Variants in ADAMTS3 observed in about 807,000 individuals in gnomAD.
ADAMTS3 encodes ADAM metallopeptidase with thrombospondin type 1 motif 3.
Under a neutral mutation model 129.0 loss-of-function variants are expected in ADAMTS3, and 73 were observed. The observed-to-expected ratio is 0.57, with a 90% CI of 0.47 to 0.69. ADAMTS3 has a LOEUF of 0.69. Ranked by LOEUF, ADAMTS3 falls within the 30% of genes least tolerant of loss-of-function variation. ADAMTS3 has a pLI of 0.00. For synonymous variants in ADAMTS3, 477 were observed against 510.8 expected (o/e 0.93, Z 0.89); for missense variants, 1,457 against 1,514.5 (o/e 0.96, Z 0.63).
At chr4:72,453,694 C>T (rs1425116933) in intron 3 of ADAMTS3, among the ~76,000 whole-genome samples, 3 of 151,456 alleles carry the variant, frequency 2.0e-5, no homozygotes, top group Non-Finnish European at 3.0e-5. Context: ...AGAGGCCATC[C>T]TCAGGATGGG....
chr4:72,549,742 C>T (rs1192143339), intron 2 of ADAMTS3, among the ~76,000 whole-genome samples: 2 of 151,552 alleles, frequency 1.3e-5, no homozygotes, highest in Non-Finnish European at 2.9e-5. Flanking sequence ...TGGGACCCAC[C>T]TTACAATATG....
chr4:72,529,866 A>T (rs1412495891), intron 3 of ADAMTS3, among the ~76,000 whole-genome samples: 1 of 78,510 alleles, frequency 1.3e-5, no homozygotes, highest in African/African-American at 5.2e-5. Context: ...TATAATATAT[A>T]ATATAAATTA....
At chr4:72,474,711 A>C (rs1003265156) in intron 3 of ADAMTS3, among the ~76,000 whole-genome samples, 2 of 152,206 alleles carry the variant, frequency 1.3e-5, no homozygotes, top group Non-Finnish European at 2.9e-5. Flanking sequence ...GATATACCTC[A>C]CAAACGCTAT....
At chr4:72,475,299 A>G (rs1719199572) in intron 3 of ADAMTS3, among the ~76,000 whole-genome samples, 1 of 152,054 alleles carries the variant, frequency 6.6e-6, no homozygotes, top group African/African-American at 2.4e-5. Context: ...GGAAGTTGAA[A>G]GTAAAAGAAT....
intron 3 of ADAMTS3, among the ~76,000 whole-genome samples, chr4:72,454,943 A>G (rs1464897791): frequency 6.6e-6 from 1 of 151,768 alleles, no homozygotes; most frequent in Non-Finnish European, 1.5e-5. Flanking sequence ...TAATGAACAA[A>G]TAACAAAATT....
At chr4:72,566,337 T>C (rs1040628856) in intron 2 of ADAMTS3, among the ~76,000 whole-genome samples, 2 of 152,222 alleles carry the variant, frequency 1.3e-5, no homozygotes, top group Non-Finnish European at 2.9e-5. Flanking sequence ...CAGGTAGCTA[T>C]GCAACCTCTC....
chr4:72,449,759 T>G lies in ADAMTS3; in HGVS notation c.505-34788A>C, dbSNP rs113603777. ...CATACAAGACTGGCTTCTTCCCATCTGTTTTGTCTTTTAATGCCCACTCCA... is the reference window on the plus strand; with the variant it reads ...CATACAAGACTGGCTTCTTCCCATCGGTTTTGTCTTTTAATGCCCACTCCA... On this transcript the variant is annotated intron_variant, in intron 3 of 21. Transcript: ENST00000286657. Among the ~76,000 whole-genome samples the G allele has an allele frequency of 7.1e-3, 1,078 of 151,894 alleles. 21 individuals carry two copies. Among genetic ancestry groups the G allele is most frequent in the African/African-American group, 0.025 (1,026 of 41,528 alleles).
intron 4 of ADAMTS3, among the ~76,000 whole-genome samples, chr4:72,350,914 C>A (rs1372798721): frequency 6.6e-6 from 1 of 151,930 alleles, no homozygotes; most frequent in Admixed American, 6.6e-5. Flanking sequence ...AGAGTTGTAT[C>A]TCTGTATGGC....
chr4:72,534,777 A>T (rs891593680), intron 3 of ADAMTS3, among the ~76,000 whole-genome samples: 4 of 152,206 alleles, frequency 2.6e-5, no homozygotes, highest in Non-Finnish European at 4.4e-5. Context: ...AAACATTCTC[A>T]TAGATGAACA....
intron 3 of ADAMTS3, among the ~76,000 whole-genome samples, chr4:72,486,833 C>T (rs1019836893): frequency 6.6e-6 from 1 of 152,128 alleles, no homozygotes; most frequent in Non-Finnish European, 1.5e-5. Context: ...TGATGCTTTT[C>T]ACTCATCTGC....
At chr4:72,368,850 T>G (rs917208680) in intron 4 of ADAMTS3, among the ~76,000 whole-genome samples, 1 of 152,236 alleles carries the variant, frequency 6.6e-6, no homozygotes. Context: ...AGTCATCATA[T>G]GAACTTTAGA....
intron 3 of ADAMTS3, among the ~76,000 whole-genome samples, chr4:72,531,738 A>G (rs1246404006): frequency 6.6e-6 from 1 of 152,196 alleles, no homozygotes; most frequent in African/African-American, 2.4e-5. Flanking sequence ...CTGGCCACCA[A>G]ATAACAGCAC....
intron 3 of ADAMTS3, among the ~76,000 whole-genome samples, chr4:72,501,777 T>C (rs1241685835): frequency 8.2e-6 from 1 of 122,014 alleles, no homozygotes; most frequent in Non-Finnish European, 1.7e-5. Context: ...TTTTGAAGTA[T>C]ATTTCTTTAA....
chr4:72,536,789 G>A (rs1041686437), intron 3 of ADAMTS3, among the ~76,000 whole-genome samples: 8 of 151,892 alleles, frequency 5.3e-5, no homozygotes, highest in African/African-American at 1.2e-4. Context: ...TGTCATCAAC[G>A]GTACTTACTT....
chr4:72,413,696 G>A (rs1352591064), intron 4 of ADAMTS3, among the ~76,000 whole-genome samples: 2 of 151,654 alleles, frequency 1.3e-5, no homozygotes, highest in African/African-American at 4.8e-5. Flanking sequence ...AAAAAACTGA[G>A]GCTCAGAGAG....
At chr4:72,435,498 T>C (rs1722799576) in intron 3 of ADAMTS3, among the ~76,000 whole-genome samples, 1 of 151,928 alleles carries the variant, frequency 6.6e-6, no homozygotes, top group Non-Finnish European at 1.5e-5. Context: ...AAATAATAAA[T>C]TTCTCAATTC....
rs541268854 is a variant in ADAMTS3, at chr4:72,500,024, G to A, written c.504+48454C>T. Among the ~76,000 whole-genome samples the A allele has an allele frequency of 1.1e-3, 170 of 152,056 alleles. 1 individual carries two copies. The highest frequency in any genetic ancestry group is 1.5e-3 in the Non-Finnish European group (101 of 67,956). On this transcript the variant is annotated intron_variant, in intron 3 of 21. Coordinates refer to ENST00000286657, the MANE Select transcript of ADAMTS3 (RefSeq NM_014243.3). Reference sequence around the variant, plus strand: ...ACCACATTTTCTTTATCCAATCCACGACTGATGAACACTTAGATTGATTCC... The same window carrying A: ...ACCACATTTTCTTTATCCAATCCACAACTGATGAACACTTAGATTGATTCC...
At chr4:72,463,150 G>A (rs556611288) in intron 3 of ADAMTS3, among the ~76,000 whole-genome samples, 1 of 152,032 alleles carries the variant, frequency 6.6e-6, no homozygotes, top group South Asian at 2.1e-4. Flanking sequence ...CCTACAGTAT[G>A]CAGTACAGTA....
intron 3 of ADAMTS3, among the ~76,000 whole-genome samples, chr4:72,521,684 T>C (rs537102295): frequency 1.3e-5 from 2 of 152,072 alleles, no homozygotes; most frequent in Non-Finnish European, 2.9e-5. Context: ...CCCCAAATAG[T>C]GTACATTACC....
Sources: gnomAD v4.1 joint callset for allele counts (sites outside exome capture counted in the v4.1 genomes callset) on GRCh38, gnomAD v4.1.1 for gene constraint, MANE v1.5 for transcripts, NCBI Gene and HGNC (gene_info 2026-07-23, HGNC 2026-07-21) for gene names.